Variants in TRAF2 observed in about 807,000 individuals in gnomAD.
The protein encoded by TRAF2 is TNF receptor-associated factor 2.
In TRAF2, 6 loss-of-function variants were observed where a neutral mutation model predicts 55.6. The ratio of observed to expected loss-of-function variants is 0.11; its 90% CI spans 0.06 to 0.21. The LOEUF (loss-of-function observed/expected upper bound fraction) is 0.21, where lower values mean the gene tolerates loss of function less well. TRAF2 is among the 10% of genes least tolerant of loss of function. The probability of loss-of-function intolerance (pLI) is 1.00; values close to 1 mark genes in which losing one functional copy is unlikely to be tolerated. For missense variants in TRAF2, 561 were observed against 684.5 expected (o/e 0.82, Z 2.01); for synonymous variants, 329 against 276.3 (o/e 1.19, Z -1.89).
intron 1 of TRAF2, among the ~76,000 whole-genome samples, chr9:136,891,538 C>T (rs963527075): frequency 4.6e-5 from 7 of 152,004 alleles, no homozygotes; most frequent in African/African-American, 1.7e-4. Context: ...GCCACCATGC[C>T]TGGCCCATTT....
At position 136,898,776 on chromosome 9, in the gene TRAF2, G is replaced by T; in HGVS notation, c.36G>T (p.Leu12=). 6.2e-7 allele frequency: 1 copy of T among 1,613,718 alleles called. No individual in the cohort carries two copies. The highest frequency in any genetic ancestry group is 1.3e-5 in the African/African-American group (1 of 75,064). ...AAASVTPPGS[L]ELLQPGFSKT... The stretch of plus-strand genomic sequence containing the variant: ...CTAGCGTGACCCCCCCTGGCTCCCT[G>T]GAGTTGCTACAGCCCGGCTTCTCCA... The change falls in exon 2 of 11, where the codon CTG becomes CTT. Residue 12 remains leucine (L), a synonymous_variant. Coordinates refer to ENST00000247668, the MANE Select transcript of TRAF2 (RefSeq NM_021138.4).
rs746246419 is a variant in TRAF2, at chr9:136,909,968, G to A, written c.577G>A (p.Gly193Ser). 3.7e-6 allele frequency: 6 copies of A among 1,614,082 alleles called. No homozygotes were observed. The highest frequency in any genetic ancestry group is 2.2e-5 in the East Asian group (1 of 44,876). ...PKFPLTCDGC[G>S]KKKIPREKFQ... Reference sequence around the variant, plus strand: ...GTTCCCCTTAACTTGTGACGGCTGCGGCAAGAAGAAGATCCCCCGGGAGAA... The same window carrying A: ...GTTCCCCTTAACTTGTGACGGCTGCAGCAAGAAGAAGATCCCCCGGGAGAA... The change falls in exon 6 of 11, where the codon GGC (glycine) becomes AGC (serine). Residue 193 changes from glycine (G) to serine (S), a missense_variant. Gly to Ser is a moderately conservative substitution (Grantham distance 56). This residue lies in a region of TRAF2 where 426 missense variants were observed against 476.8 expected (regional missense o/e 0.89). Coordinates refer to ENST00000247668, the MANE Select transcript of TRAF2 (RefSeq NM_021138.4).
Position 136,925,704 on chromosome 9 carries a change from C to A in TRAF2, c.1309C>A (p.Gln437Lys). 1 of 1,614,134 alleles carries A rather than the reference C, an allele frequency of 6.2e-7. No individual in the cohort carries two copies. The highest frequency in any genetic ancestry group is 1.1e-5 in the South Asian group (1 of 91,082). ...CCAGGTGACCTTAATGCTGCTCGACCAGAATAACCGGGAGCACGTGATTGA... is the reference window on the plus strand; with the variant it reads ...CCAGGTGACCTTAATGCTGCTCGACAAGAATAACCGGGAGCACGTGATTGA... ...NQKVTLMLLD[Q>K]NNREHVIDAF... Residue 437 changes from glutamine (Q) to lysine (K), a missense_variant, in exon 11 of 11, where the codon CAG becomes AAG. This residue lies in a region of TRAF2 where 135 missense variants were observed against 207.7 expected (regional missense o/e 0.65). Coordinates refer to ENST00000247668, the MANE Select transcript of TRAF2 (RefSeq NM_021138.4).
chr9:136,882,332 C>G (rs892373034), upstream of TRAF2, among the ~76,000 whole-genome samples: 3 of 152,220 alleles, frequency 2.0e-5, no homozygotes, highest in East Asian at 5.8e-4. Flanking sequence ...ATGGCGGCCC[C>G]TCACCTCCCG....
At position 136,908,139 on chromosome 9, in the gene TRAF2, G is replaced by A. The variant is rs1850002235; in HGVS notation, c.436G>A (p.Gly146Ser). 6.2e-7 allele frequency: 1 copy of A among 1,605,338 alleles called. No individual in the cohort carries two copies. Among genetic ancestry groups the A allele is most frequent in the Non-Finnish European group, 8.5e-7 (1 of 1,179,944 alleles). Residue 146 changes from glycine to serine, a missense_variant, in exon 5 of 11, where the codon GGT becomes AGT. Gly to Ser is a moderately conservative substitution (Grantham distance 56, BLOSUM62 0). Coordinates refer to ENST00000247668, the MANE Select transcript of TRAF2 (RefSeq NM_021138.4). The part of the protein sequence containing the change: ...CPACKGLVRL[G>S]EKERHLEHEC... The stretch of plus-strand genomic sequence containing the variant: ...CGCGTGCAAAGGCCTGGTCCGCCTT[G>A]GTGAAAAGGAGCGCCACCTGGAGCA...
intron 3 of TRAF2, 41 bp downstream of exon 3, chr9:136,899,713 A>G (rs1849770721): frequency 6.3e-7 from 1 of 1,587,740 alleles, no homozygotes; most frequent in African/African-American, 1.3e-5. Context: ...TGAACAGAAA[A>G]TGTCTTAATT....
intron 4 of TRAF2, among the ~76,000 whole-genome samples, chr9:136,907,226 C>T (rs928312506): frequency 1.8e-4 from 27 of 152,264 alleles, no homozygotes; most frequent in Admixed American, 1.2e-3. Flanking sequence ...CCTGCGGCAC[C>T]GGCTCCCGCT....
intron 6 of TRAF2, among the ~76,000 whole-genome samples, chr9:136,912,610 C>T (rs1166489802): frequency 2.0e-5 from 3 of 151,786 alleles, no homozygotes; most frequent in Non-Finnish European, 4.4e-5. Context: ...GAGGCTGAGG[C>T]GGGAGGATCA....
At chr9:136,901,018 G>A (rs189419667) in intron 4 of TRAF2, among the ~76,000 whole-genome samples, 5 of 152,302 alleles carry the variant, frequency 3.3e-5, no homozygotes, top group Admixed American at 2.6e-4. Flanking sequence ...ACTGGAAATT[G>A]CAGAAATAAT....
At chr9:136,924,938 C>T (rs1295199287) in intron 10 of TRAF2, among the ~76,000 whole-genome samples, 1 of 152,226 alleles carries the variant, frequency 6.6e-6, no homozygotes, top group South Asian at 2.1e-4. Context: ...GGGGTTTCTC[C>T]ATGTTGGCCA....
In TRAF2 at chr9:136,898,924, C is replaced by A; in HGVS notation, c.184C>A (p.Leu62Ile). The A allele has an allele frequency of 1.2e-6, 2 of 1,605,494 alleles. No homozygotes were observed. Among genetic ancestry groups the A allele is most frequent in the East Asian group, 2.2e-5 (1 of 44,512 alleles). ...RYCSFCLASILSSGPQNCAAC... is the reference protein window; with the variant it reads ...RYCSFCLASIISSGPQNCAAC... ...CTGCTCCTTCTGCCTGGCCAGCATC[C>A]TCAGGTGCATGGGGCCTGCAGGCTG... Residue 62 changes from leucine to isoleucine, a missense_variant, in exon 2 of 11, where the codon CTC (leucine) becomes ATC (isoleucine). Leu to Ile is a conservative substitution (Grantham distance 5). Coordinates refer to ENST00000247668, the MANE Select transcript of TRAF2 (RefSeq NM_021138.4).
At chr9:136,913,049 A>G (rs1218842128) in intron 6 of TRAF2, among the ~76,000 whole-genome samples, 1 of 152,082 alleles carries the variant, frequency 6.6e-6, no homozygotes, top group Non-Finnish European at 1.5e-5. Flanking sequence ...AGACAGGAGA[A>G]TCGCCTGAAC....
At chr9:136,908,649 G>A (rs1187847916) in intron 5 of TRAF2, among the ~76,000 whole-genome samples, 1 of 152,102 alleles carries the variant, frequency 6.6e-6, no homozygotes, top group Non-Finnish European at 1.5e-5. Context: ...GGCAGATCAC[G>A]AGGTCAGGAG....
At chr9:136,916,732 C>T (rs1850251341) in intron 7 of TRAF2, 117 bp downstream of exon 7, 1 of 944,504 alleles carries the variant, frequency 1.1e-6, no homozygotes, top group African/African-American at 1.7e-5. Context: ...CTCTGCAGCA[C>T]TGCCTCCTCC....
rs1850253231 is a variant in TRAF2, at chr9:136,916,804, C to G, written c.678+189C>G. On this transcript the variant is annotated intron_variant, in intron 7 of 10. Transcript: ENST00000247668. The stretch of plus-strand genomic sequence containing the variant: ...GGGCTGGCAGCCCTGTCCACTCCCT[C>G]CTGGTGGCATTGTAGTGCCTGGCTT... 1.8e-5 allele frequency: 11 copies of G among 606,622 alleles called. No individual in the cohort carries two copies. The East Asian group carries it at 3.2e-4, about 18-fold the overall frequency. 37.6% of individuals were successfully genotyped at this position (606,622 alleles called of 1,614,324 possible).
intron 4 of TRAF2, among the ~76,000 whole-genome samples, chr9:136,902,809 T>C (rs894316006): frequency 1.3e-5 from 2 of 152,170 alleles, no homozygotes; most frequent in African/African-American, 4.8e-5. Flanking sequence ...GCTCGGAGTG[T>C]GCTGCTAGTT....
At chr9:136,895,686 A>G (rs1271132008) in intron 1 of TRAF2, among the ~76,000 whole-genome samples, 1 of 151,998 alleles carries the variant, frequency 6.6e-6, no homozygotes, top group Non-Finnish European at 1.5e-5. Flanking sequence ...ACCCCATCTG[A>G]AAAATACAAA....
At chr9:136,918,362 C>T (rs549204301) in intron 7 of TRAF2, among the ~76,000 whole-genome samples, 1,520 of 150,230 alleles carry the variant, frequency 0.01, 27 homozygotes, top group African/African-American at 0.036. Context: ...CTCTGCCTCC[C>T]GGGTTCAAAC....
At chr9:136,896,379 C>G (rs1184538364) in intron 1 of TRAF2, among the ~76,000 whole-genome samples, 1 of 152,238 alleles carries the variant, frequency 6.6e-6, no homozygotes, top group Non-Finnish European at 1.5e-5. Flanking sequence ...ATGACCGGCC[C>G]TGGTTCCGGG....
Sources: allele counts gnomAD v4.1 joint callset (sites outside exome capture counted in the v4.1 genomes callset), GRCh38; gene constraint gnomAD v4.1.1; regional missense constraint gnomAD v4.1.1; transcripts MANE v1.5; gene names NCBI Gene and HGNC (gene_info 2026-07-23, HGNC 2026-07-21).